MGLL: variants seen among roughly 807,000 people sequenced by gnomAD.
MGLL encodes lysophospholipase homolog.
MGLL carries 7 observed loss-of-function variants against 29.1 expected under a neutral mutation model. That is an observed-to-expected ratio of 0.24 (90% CI 0.14 to 0.45). MGLL has a LOEUF of 0.45. Ranked by LOEUF, MGLL falls within the 20% of genes least tolerant of loss-of-function variation. MGLL has a pLI of 0.99. For missense variants in MGLL, 356 were observed against 413.6 expected, an observed-to-expected ratio of 0.86 and a Z score of 1.21; for synonymous variants, 148 against 168.3, an observed-to-expected ratio of 0.88 and a Z score of 0.93.
intron 2 of MGLL, among the ~76,000 whole-genome samples, chr3:127,801,452 A>G (rs2077478726): frequency 6.6e-6 from 1 of 151,940 alleles, no homozygotes; most frequent in African/African-American, 2.4e-5. Flanking sequence ...CCCCATCCCT[A>G]CTAAAAATAC....
intron 7 of MGLL, among the ~76,000 whole-genome samples, chr3:127,694,373 G>T (rs1001378648): frequency 1.0e-5 from 1 of 97,748 alleles, no homozygotes; most frequent in East Asian, 3.4e-4. Context: ...ATATATGTAT[G>T]TATATATATG....
Position 127,781,783 on chromosome 3 carries a change from A to G in MGLL, c.262+6T>C. 6.2e-7 allele frequency: 1 copy of G among 1,613,950 alleles called. No homozygotes were observed. Among genetic ancestry groups the G allele is most frequent in the Non-Finnish European group, 8.5e-7 (1 of 1,179,908 alleles). The stretch of plus-strand genomic sequence containing the variant: ...GCCAGCTCTGACGGCACCCTGGGAC[A>G]CTCACCATGGTCGTGGGCGAACACC... On this transcript the variant is annotated splice_donor_region_variant and intron_variant, in intron 3 of 7. Coordinates refer to ENST00000265052, the MANE Select transcript of MGLL (RefSeq NM_007283.7).
chr3:127,803,671 G>A (rs936154173), intron 2 of MGLL, among the ~76,000 whole-genome samples: 7 of 152,210 alleles, frequency 4.6e-5, no homozygotes, highest in Admixed American at 4.6e-4. Context: ...GATGAGCCCT[G>A]AGTGTGCAGA....
chr3:127,722,375 C>T, intron 4 of MGLL, 55 bp downstream of exon 4: 2 of 1,612,544 alleles, frequency 1.2e-6, no homozygotes, highest in Non-Finnish European at 1.7e-6. Flanking sequence ...CCCCTTCCCC[C>T]TGCAAGGCTG....
At chr3:127,783,231 C>T (rs115757152) in intron 2 of MGLL, among the ~76,000 whole-genome samples, 28 of 151,782 alleles carry the variant, frequency 1.8e-4, no homozygotes, top group African/African-American at 6.5e-4. Context: ...GAGTATGTTG[C>T]CGCTGGCTGT....
intron 2 of MGLL, among the ~76,000 whole-genome samples, chr3:127,797,933 T>C (rs1373629472): frequency 1.2e-4 from 18 of 152,218 alleles, no homozygotes. Flanking sequence ...CAAAATTCTT[T>C]ATATAGCATA....
intron 3 of MGLL, among the ~76,000 whole-genome samples, chr3:127,745,160 C>T (rs983241423): frequency 6.6e-6 from 1 of 152,126 alleles, no homozygotes; most frequent in Admixed American, 6.5e-5. Flanking sequence ...GCCATCGGGG[C>T]CAGGGTATTT....
chr3:127,710,971 A>AT, intron 5 of MGLL: 1 of 414,978 alleles, frequency 2.4e-6, no homozygotes, highest in South Asian at 2.1e-5. Context: ...ATGGGTTGTA[A>AT]TTTTGCATCA....
intron 3 of MGLL, among the ~76,000 whole-genome samples, chr3:127,734,687 G>A (rs1466571): frequency 0.26 from 39,829 of 152,204 alleles, 5,348 homozygotes; most frequent in Middle Eastern, 0.49. Flanking sequence ...GCCCCCAGGT[G>A]AAGAGATCCA....
At chr3:127,701,807 G>A (rs1357262253) in intron 6 of MGLL, among the ~76,000 whole-genome samples, 2 of 152,232 alleles carry the variant, frequency 1.3e-5, no homozygotes, top group South Asian at 4.1e-4. Context: ...CGATATCTCC[G>A]TTTCCACCAT....
chr3:127,717,229 C>T (rs2075833330), intron 5 of MGLL, among the ~76,000 whole-genome samples: 2 of 152,184 alleles, frequency 1.3e-5, no homozygotes, highest in South Asian at 4.1e-4. Context: ...TTTCCCCTCC[C>T]TCCCTGCAAT....
intron 3 of MGLL, among the ~76,000 whole-genome samples, chr3:127,750,981 A>G (rs1413333311): frequency 6.6e-6 from 1 of 152,074 alleles, no homozygotes; most frequent in Non-Finnish European, 1.5e-5. Flanking sequence ...GAATGAGCTG[A>G]GTGTGTGGAG....
intron 2 of MGLL, among the ~76,000 whole-genome samples, chr3:127,800,179 G>A (rs1414244530): frequency 6.6e-6 from 1 of 152,144 alleles, no homozygotes; most frequent in East Asian, 1.9e-4. Context: ...AGTGGTGGTG[G>A]GGCAACAAGA....
intron 2 of MGLL, among the ~76,000 whole-genome samples, chr3:127,783,195 A>G (rs1273823152): frequency 1.3e-5 from 2 of 151,170 alleles, no homozygotes; most frequent in Non-Finnish European, 1.5e-5. Context: ...TCCGAGCCAC[A>G]TGGCAAGTTG....
At chr3:127,810,315 A>G (rs577895974) in intron 2 of MGLL, among the ~76,000 whole-genome samples, 3 of 151,956 alleles carry the variant, frequency 2.0e-5, no homozygotes, top group South Asian at 2.1e-4. Flanking sequence ...TGGTCCCAGC[A>G]GAGTAGACAA....
Position 127,821,597 on chromosome 3 carries a change from A to G in MGLL, c.155+97T>C, listed in dbSNP as rs910628052. The G allele has an allele frequency of 7.7e-6, 11 of 1,433,972 alleles. No homozygotes were observed. In the Admixed American group the frequency reaches 1.9e-4, roughly 25 times the overall value. 88.8% of individuals were successfully genotyped at this position (1,433,972 alleles called of 1,614,324 possible). On this transcript the variant is annotated intron_variant, in intron 2 of 7. Coordinates refer to ENST00000265052, the MANE Select transcript of MGLL (RefSeq NM_007283.7). ...CGGCAGGGGAAGTAGGTCATAGAGA[A>G]AGCGGCCCCGCCCCAGATGGCACAT...
intron 6 of MGLL, 81 bp downstream of exon 6, chr3:127,710,495 T>C: frequency 1.6e-6 from 2 of 1,254,100 alleles, no homozygotes; most frequent in Non-Finnish European, 2.3e-6. Context: ...CAGCAGAGAA[T>C]GCCAAGGCTG....
chr3:127,762,669 C>A (rs2076786527), intron 3 of MGLL, among the ~76,000 whole-genome samples: 1 of 152,174 alleles, frequency 6.6e-6, no homozygotes, highest in South Asian at 2.1e-4. Context: ...GGCTTCGTTG[C>A]AGGTTCCTTG....
At chr3:127,821,641 A>T (rs2077862386) in intron 2 of MGLL, 53 bp downstream of exon 2, 1 of 1,599,334 alleles carries the variant, frequency 6.3e-7, no homozygotes, top group South Asian at 1.1e-5. Flanking sequence ...CCAGAGGAGA[A>T]GCAGGGGCCA....
Sources: gnomAD v4.1 joint callset for allele counts (sites outside exome capture counted in the v4.1 genomes callset) on GRCh38, gnomAD v4.1.1 for gene constraint, MANE v1.5 for transcripts, NCBI Gene and HGNC (gene_info 2026-07-23, HGNC 2026-07-21) for gene names.